The following NFATC2 variants were observed in gnomAD, a reference collection of about 807,000 sequenced individuals.
NFATC2 encodes the protein nuclear factor of activated T cells 2.
A neutral mutation model predicts 87.3 loss-of-function variants in NFATC2; 22 were observed. The ratio of observed to expected loss-of-function variants is 0.25; its 90% CI spans 0.18 to 0.36. The LOEUF is 0.36. NFATC2 is among the 10% of genes least tolerant of loss of function. NFATC2 has a pLI of 1.00. For synonymous variants in NFATC2, 565 were observed against 542.2 expected, an observed-to-expected ratio of 1.04 and a Z score of -0.58; for missense variants, 1,149 against 1,259.1, an observed-to-expected ratio of 0.91 and a Z score of 1.32.
intron 6 of NFATC2, chr20:51,453,000 C>CG (rs1985989123): frequency 6.5e-6 from 1 of 154,816 alleles, no homozygotes; most frequent in African/African-American, 2.4e-5. Context: ...CCTCTCTACA[C>CG]CACTACGTCC....
Position 51,391,354 on chromosome 20 carries a change from G to C in NFATC2, c.*142C>G. 6.2e-7 allele frequency: 1 copy of C among 1,601,528 alleles called. No individual in the cohort carries two copies. On this transcript the variant is annotated 3_prime_UTR_variant, in exon 11 of 11. Transcript: ENST00000371564. ...AAGGTGAGGGGCTGTGGAGGGCTCCGAGGGGTCAGATACAGAAGGTGTCTT... is the reference window on the plus strand; with the variant it reads ...AAGGTGAGGGGCTGTGGAGGGCTCCCAGGGGTCAGATACAGAAGGTGTCTT...
Position 51,387,631 on chromosome 20 carries a change from C to T in NFATC2, c.*3865G>A, listed in dbSNP as rs911582396. On this transcript the variant is annotated 3_prime_UTR_variant, in exon 11 of 11. Transcript: ENST00000371564. The stretch of plus-strand genomic sequence containing the variant: ...TAATTGGAATGCAGGAAAATACTTG[C>T]TATGCAATTGGCTGCTTTGGTTCCA... 6.6e-6 allele frequency: 1 copy of T among 152,122 alleles called. No homozygotes were observed. Among genetic ancestry groups the T allele is most frequent in the African/African-American group, 2.4e-5 (1 of 41,406 alleles). 9.4% of individuals were successfully genotyped at this position (152,122 alleles called of 1,614,324 possible). A position where few individuals can be genotyped will look rare whatever the true frequency, so the allele number is the denominator to read the frequency against.
intron 1 of NFATC2, among the ~76,000 whole-genome samples, chr20:51,551,102 A>G (rs1010936439): frequency 2.0e-5 from 3 of 152,258 alleles, no homozygotes; most frequent in African/African-American, 7.2e-5. Flanking sequence ...CCTGGGACTC[A>G]TGATCACTCT....
At position 51,390,344 on chromosome 20, in the gene NFATC2, G is replaced by A. The variant is rs1383695077; in HGVS notation, c.*1152C>T. On this transcript the variant is annotated 3_prime_UTR_variant, in exon 11 of 11. Coordinates refer to ENST00000371564, the MANE Select transcript of NFATC2 (RefSeq NM_012340.5). ...GAATTCAGCCCTTTTCCTCTATCTT[G>A]GTAGAAACCCACCTCCAGAAGCACT... 6.6e-6 allele frequency: 1 copy of A among 152,156 alleles called. No individual in the cohort carries two copies. The highest frequency in any genetic ancestry group is 1.5e-5 in the Non-Finnish European group (1 of 68,026). The allele number at this position is 152,156 out of a possible 1,614,324, so 9.4% of individuals were successfully genotyped here.
intron 1 of NFATC2, among the ~76,000 whole-genome samples, chr20:51,551,213 C>A (rs2076929975): frequency 6.6e-6 from 1 of 152,026 alleles, no homozygotes; most frequent in African/African-American, 2.4e-5. Flanking sequence ...ACCAAAAACT[C>A]AGTAATTAGA....
intron 2 of NFATC2, among the ~76,000 whole-genome samples, chr20:51,517,939 C>T (rs911051465): frequency 9.4e-5 from 14 of 149,148 alleles, no homozygotes; most frequent in Admixed American, 1.3e-4. Flanking sequence ...ATAAACAAAA[C>T]AGTATTATAA....
intron 9 of NFATC2, among the ~76,000 whole-genome samples, chr20:51,422,569 C>CTT (rs5841843): frequency 0.032 from 4,484 of 140,876 alleles, 179 homozygotes; most frequent in African/African-American, 0.09. Flanking sequence ...GAAAACCCCT[C>CTT]TTTTTTTTTT....
chr20:51,432,877 C>T lies in NFATC2; in HGVS notation c.2033-121G>A, dbSNP rs552416876. The T allele has an allele frequency of 2.6e-5, 21 of 816,720 alleles. No individual in the cohort carries two copies. In the African/African-American group the frequency reaches 3.6e-4, roughly 14 times the overall value. 50.6% of individuals were successfully genotyped at this position (816,720 alleles called of 1,614,324 possible). On this transcript the variant is annotated intron_variant, in intron 8 of 10. Transcript: ENST00000371564. This position sits in a 1 kb window ranked among gnomAD's most constrained non-coding sequence, Gnocchi z 4.6. ...GAGTCCATACGGGTGGGACAAACAG[C>T]TGGTCCCTGTCACTTATCAGCCTTG...
At chr20:51,538,387 G>A (rs1293641502) in intron 1 of NFATC2, among the ~76,000 whole-genome samples, 7 of 151,864 alleles carry the variant, frequency 4.6e-5, no homozygotes, top group Non-Finnish European at 8.8e-5. Flanking sequence ...AAAAACTCTC[G>A]GGGGAAAAAA....
At chr20:51,419,537 C>T (rs558195244) in intron 9 of NFATC2, among the ~76,000 whole-genome samples, 1 of 152,204 alleles carries the variant, frequency 6.6e-6, no homozygotes, top group East Asian at 1.9e-4. Flanking sequence ...TATGATGGGG[C>T]CAGCATACCA....
rs906841787 is a variant in NFATC2, at chr20:51,542,678, G to A, written c.-179C>T. 1.8e-6 allele frequency: 2 copies of A among 1,138,894 alleles called. No individual in the cohort carries two copies. Among genetic ancestry groups the A allele is most frequent in the Non-Finnish European group, 1.1e-6 (1 of 928,592 alleles). 70.5% of individuals were successfully genotyped at this position (1,138,894 alleles called of 1,614,324 possible). A position where few individuals can be genotyped will look rare whatever the true frequency, so the allele number is the denominator to read the frequency against. On this transcript the variant is annotated 5_prime_UTR_variant, in exon 1 of 11. Transcript: ENST00000371564. ...GCAGCGGGTCCTGGACGCGCCCGGG[G>A]AAGCTGAGCGGCGGCGGCGACGGCG...
At chr20:51,545,678 AAGATGGGTGGATGGATGAAT>A (rs904970496), upstream of NFATC2, among the ~76,000 whole-genome samples, 24 of 151,978 alleles carry the variant, frequency 1.6e-4, no homozygotes, top group African/African-American at 5.3e-4. Flanking sequence ...GCATGGATGG[AAGATGGGTGGATGGATGAAT>A]AGATGGGTGG....
intron 5 of NFATC2, among the ~76,000 whole-genome samples, chr20:51,463,956 G>T (rs531403591): frequency 6.6e-6 from 1 of 151,420 alleles, no homozygotes; most frequent in African/African-American, 2.4e-5. Flanking sequence ...AATCAGCAAA[G>T]AAGCCACCCC....
chr20:51,485,398 A>T (rs1989620395), intron 3 of NFATC2, among the ~76,000 whole-genome samples: 1 of 152,164 alleles, frequency 6.6e-6, no homozygotes, highest in Non-Finnish European at 1.5e-5. Flanking sequence ...CTGGACAGAG[A>T]TGTCAACCCA....
intron 3 of NFATC2, among the ~76,000 whole-genome samples, chr20:51,505,238 A>G (rs6021259): frequency 0.17 from 25,406 of 150,802 alleles, 2,766 homozygotes; most frequent in African/African-American, 0.31. Flanking sequence ...GGATGGTCTC[A>G]CTCGATCTCT....
intron 1 of NFATC2, among the ~76,000 whole-genome samples, chr20:51,536,744 T>G (rs2076726618): frequency 6.6e-6 from 1 of 152,160 alleles, no homozygotes; most frequent in Admixed American, 6.5e-5. Flanking sequence ...AGCCCTCATT[T>G]CACCTTTCCA....
At chr20:51,474,905 AAC>A (rs1223262398) in intron 4 of NFATC2, among the ~76,000 whole-genome samples, 1 of 152,148 alleles carries the variant, frequency 6.6e-6, no homozygotes, top group Non-Finnish European at 1.5e-5. Context: ...CATGCAACAT[AAC>A]ACAAATATTC....
intron 5 of NFATC2, among the ~76,000 whole-genome samples, chr20:51,469,997 T>C (rs1301019429): frequency 6.6e-6 from 1 of 151,982 alleles, no homozygotes; most frequent in Non-Finnish European, 1.5e-5. Flanking sequence ...GCAGGGAAAG[T>C]GGAGTTGAAG....
intron 9 of NFATC2, among the ~76,000 whole-genome samples, chr20:51,425,783 G>T (rs761204855): frequency 6.6e-6 from 1 of 152,106 alleles, no homozygotes; most frequent in Non-Finnish European, 1.5e-5. Flanking sequence ...TTCCTCCCCC[G>T]CCTGTTTCTC....
Sources: allele counts gnomAD v4.1 joint callset (sites outside exome capture counted in the v4.1 genomes callset), GRCh38; gene constraint gnomAD v4.1.1; non-coding constraint Gnocchi (gnomAD v3.1); transcripts MANE v1.5; gene names NCBI Gene and HGNC (gene_info 2026-07-23, HGNC 2026-07-21).